The following ADGRL2 variants were observed in gnomAD, a reference collection of about 807,000 sequenced individuals.
The protein encoded by ADGRL2 is adhesion G protein-coupled receptor L2.
In ADGRL2, 44 loss-of-function variants were observed where a neutral mutation model predicts 157.4. The observed-to-expected ratio is 0.28, with a 90% CI of 0.22 to 0.36. The LOEUF is 0.36. Ranked by LOEUF, ADGRL2 falls within the 10% of genes least tolerant of loss-of-function variation. ADGRL2 has a pLI of 1.00. For missense variants in ADGRL2, 1,510 were observed against 1,768.9 expected (o/e 0.85, Z 2.63); for synonymous variants, 585 against 624.7 (o/e 0.94, Z 0.95).
intron 2 of ADGRL2, among the ~76,000 whole-genome samples, chr1:81,859,567 C>T (rs1040046363): frequency 7.2e-5 from 11 of 151,820 alleles, no homozygotes; most frequent in East Asian, 1.9e-4. Flanking sequence ...CCACCACGCT[C>T]GGCTAATTTT....
At chr1:81,804,381 T>C (rs978214757) in intron 1 of ADGRL2, among the ~76,000 whole-genome samples, 2 of 152,252 alleles carry the variant, frequency 1.3e-5, no homozygotes, top group Non-Finnish European at 2.9e-5. Context: ...ATTGTTTGAA[T>C]TAATGCAAGT....
intron 2 of ADGRL2, among the ~76,000 whole-genome samples, chr1:81,486,715 A>G (rs1312511171): frequency 6.6e-6 from 1 of 152,190 alleles, no homozygotes; most frequent in Non-Finnish European, 1.5e-5. Flanking sequence ...GTTCATTTGA[A>G]CAGCACATGA....
Position 81,397,867 on chromosome 1 carries a change from G to T in ADGRL2, c.-301-47169G>T, listed in dbSNP as rs575280879. ...ATGCAGTTTAAATCCAAGGTTTCTT[G>T]GTTGATTTTTTCGTCTAGATAATCT... On this transcript the variant is annotated intron_variant, in intron 1 of 24. Coordinates refer to the ADGRL2 transcript ENST00000370721. 2.0e-5 allele frequency among the ~76,000 whole-genome samples: 3 copies of T among 152,090 alleles called. No individual in the cohort carries two copies. The East Asian group carries it at 5.8e-4, about 29-fold the overall frequency.
rs149223764 is a variant in ADGRL2 at position 81,440,227 on chromosome 1, C to G, written c.-301-4809C>G. Among the ~76,000 whole-genome samples, 1,209 of 152,318 alleles carry G rather than the reference C, an allele frequency of 7.9e-3. 8 individuals are homozygous for G. The highest frequency in any genetic ancestry group is 0.013 in the Non-Finnish European group (856 of 68,040). The stretch of plus-strand genomic sequence containing the variant: ...TCTGATGATTTAACTTGTAGCTTGG[C>G]TTTCAGGCTTTAAACTGTCTTCAGC... On this transcript the variant is annotated intron_variant, in intron 1 of 24. Coordinates refer to the ADGRL2 transcript ENST00000370721.
chr1:81,822,020 A>T (rs1248326873), intron 1 of ADGRL2, among the ~76,000 whole-genome samples: 2 of 137,178 alleles, frequency 1.5e-5, no homozygotes, highest in African/African-American at 5.6e-5. Flanking sequence ...TATAGGTAAT[A>T]TCAGAAACTT....
intron 2 of ADGRL2, among the ~76,000 whole-genome samples, chr1:81,782,563 A>C (rs2086860170): frequency 6.6e-6 from 1 of 152,184 alleles, no homozygotes; most frequent in Non-Finnish European, 1.5e-5. Context: ...TTTTTCCTGC[A>C]AGAAAGGGTT....
intron 1 of ADGRL2, among the ~76,000 whole-genome samples, chr1:81,355,147 C>T (rs1356390910): frequency 6.6e-6 from 1 of 152,060 alleles, no homozygotes; most frequent in Non-Finnish European, 1.5e-5. Flanking sequence ...TGAAACTTGG[C>T]ATACTCCAGC....
intron 3 of ADGRL2, among the ~76,000 whole-genome samples, chr1:81,594,293 T>C (rs2081189129): frequency 6.6e-6 from 1 of 152,172 alleles, no homozygotes; most frequent in Admixed American, 6.6e-5. Context: ...GTGAAACATC[T>C]GGAAAGGGAT....
At chr1:81,454,028 A>C (rs1339894138) in intron 2 of ADGRL2, among the ~76,000 whole-genome samples, 1 of 152,200 alleles carries the variant, frequency 6.6e-6, no homozygotes, top group Non-Finnish European at 1.5e-5. Context: ...TTATGGACTT[A>C]AGGTGCCGGC....
intron 3 of ADGRL2, among the ~76,000 whole-genome samples, chr1:81,923,547 A>AT (rs1009594082): frequency 2.0e-4 from 30 of 148,614 alleles, no homozygotes; most frequent in Admixed American, 4.0e-4. Flanking sequence ...TTTGGTCACT[A>AT]TTTTTTTTTT....
At chr1:81,647,051 TC>T (rs2082328798) in intron 3 of ADGRL2, among the ~76,000 whole-genome samples, 1 of 152,302 alleles carries the variant, frequency 6.6e-6, no homozygotes, top group African/African-American at 2.4e-5. Flanking sequence ...ATATTGTTGT[TC>T]CCAAGAGAAA....
intron 3 of ADGRL2, among the ~76,000 whole-genome samples, chr1:81,907,837 G>A (rs1462352460): frequency 2.0e-5 from 3 of 152,126 alleles, no homozygotes; most frequent in Non-Finnish European, 4.4e-5. Flanking sequence ...TTTTGGCGTT[G>A]TACATTTTAT....
intron 1 of ADGRL2, among the ~76,000 whole-genome samples, chr1:81,833,104 C>A (rs2092062451): frequency 6.6e-6 from 1 of 152,088 alleles, no homozygotes. Context: ...TTAGTAAATT[C>A]TGTCTCATAA....
chr1:81,905,099 C>CTT (rs199618498), intron 2 of ADGRL2, among the ~76,000 whole-genome samples: 3 of 142,890 alleles, frequency 2.1e-5, no homozygotes, highest in East Asian at 2.0e-4. Context: ...CCTTACTATA[C>CTT]TTTTTTTTTT....
rs77347532 is a variant in ADGRL2 at position 81,648,527 on chromosome 1, C to T, written c.-143+67547C>T. On this transcript the variant is annotated intron_variant, in intron 3 of 24. Coordinates refer to the ADGRL2 transcript ENST00000370721. ...ACATATCTTTCTTCTCCCAGAACAT[C>T]GGGCACAAGATCATGCCCAGATGCC... Among the ~76,000 whole-genome samples, 885 of 152,268 alleles carry T rather than the reference C, an allele frequency of 5.8e-3. 10 individuals carry two copies. The highest frequency in any genetic ancestry group is 0.02 in the African/African-American group (847 of 41,548).
chr1:81,630,165 G>C (rs528762588), intron 3 of ADGRL2, among the ~76,000 whole-genome samples: 1 of 152,036 alleles, frequency 6.6e-6, no homozygotes, highest in South Asian at 2.1e-4. Context: ...TATTGAGAGA[G>C]TGCTGGCAGG....
intron 1 of ADGRL2, among the ~76,000 whole-genome samples, chr1:81,831,560 C>T (rs1052533604): frequency 6.6e-6 from 1 of 151,888 alleles, no homozygotes; most frequent in Non-Finnish European, 1.5e-5. Flanking sequence ...TTTCTCAGCC[C>T]TTCTGCTTGC....
chr1:81,882,346 A>G (rs2094009610), intron 2 of ADGRL2, among the ~76,000 whole-genome samples: 1 of 152,172 alleles, frequency 6.6e-6, no homozygotes, highest in African/African-American at 2.4e-5. Context: ...CATAGTTAGG[A>G]TCTTTTGGTA....
At chr1:81,609,344 T>C (rs1034099264) in intron 3 of ADGRL2, among the ~76,000 whole-genome samples, 1 of 152,180 alleles carries the variant, frequency 6.6e-6, no homozygotes, top group Non-Finnish European at 1.5e-5. Context: ...CTGGCTCATA[T>C]ACAAGTGTGT....
Sources: allele counts gnomAD v4.1 joint callset (sites outside exome capture counted in the v4.1 genomes callset), GRCh38; gene constraint gnomAD v4.1.1; transcripts MANE v1.5; gene names NCBI Gene and HGNC (gene_info 2026-07-23, HGNC 2026-07-21).